Variants in MPZL2 observed in about 807,000 individuals in gnomAD.
MPZL2 encodes myelin protein zero-like protein 2.
MPZL2 carries 32 observed loss-of-function variants against 24.5 expected under a neutral mutation model. The observed-to-expected ratio is 1.31, with a 90% CI of 0.99 to 1.76. MPZL2 has a LOEUF of 1.76. Among genes scored for constraint, MPZL2 ranks in the 40% most tolerant of loss-of-function variants. MPZL2 has a pLI of 0.00. For synonymous variants in MPZL2, 92 were observed against 97.9 expected (o/e 0.94, Z 0.36); for missense variants, 304 against 274.9 (o/e 1.11, Z -0.75).
At position 118,259,585 on chromosome 11, in the gene MPZL2, T is replaced by C. The variant is rs548834967; in HGVS notation, c.584+469A>G. 1.7e-4 allele frequency: 26 copies of C among 152,778 alleles called. No homozygotes were observed. The South Asian group carries it at 2.5e-3, about 14-fold the overall frequency. 9.5% of individuals were successfully genotyped at this position (152,778 alleles called of 1,614,324 possible). ...GAGCTTAAAAACGTTCTGCAATTAG[T>C]GATGATTGCTGCACAACTTTGTGAA... On this transcript the variant is annotated intron_variant, in intron 4 of 5. Coordinates refer to ENST00000278937, the MANE Select transcript of MPZL2 (RefSeq NM_005797.4).
At chr11:118,263,719 T>G (rs1233357128) in intron 1 of MPZL2, among the ~76,000 whole-genome samples, 1 of 152,114 alleles carries the variant, frequency 6.6e-6, no homozygotes, top group African/African-American at 2.4e-5. Flanking sequence ...AGTAGGTCTC[T>G]CTCTAACAAT....
Position 118,264,111 on chromosome 11 carries a change from CAAGGAG to C in MPZL2, c.37_42del (p.Leu13_Leu14del). 4 of 1,614,106 alleles carry C rather than the reference CAAGGAG, an allele frequency of 2.5e-6. No individual in the cohort carries two copies. The highest frequency in any genetic ancestry group is 3.4e-6 in the Non-Finnish European group (4 of 1,180,022). On this transcript the variant is annotated inframe_deletion, in exon 1 of 6. Coordinates refer to ENST00000278937, the MANE Select transcript of MPZL2 (RefSeq NM_005797.4). ...CGGCTCTTACCTGTGAGCTGTATGC[CAAGGAG>C]AAGAAGCACCGCACGAGTAGAGCTC...
In MPZL2 at chr11:118,262,472, C is replaced by T; in HGVS notation, c.402G>A (p.Val134=). ...QVKNPPDVDG[V]IGEIRLSVVH... ...CGACGCTGAGCCGGATCTCCCCTAT[C>T]ACCCCATCAACATCAGGTGGGTTCT... The change falls in exon 3 of 6, where the codon GTG becomes GTA. Residue 134 remains valine, a synonymous_variant. Transcript: ENST00000278937. 6.2e-7 allele frequency: 1 copy of T among 1,614,142 alleles called. No homozygotes were observed. Among genetic ancestry groups the T allele is most frequent in the South Asian group, 1.1e-5 (1 of 91,082 alleles).
intron 1 of MPZL2, 73 bp downstream of exon 1, chr11:118,264,023 C>T: frequency 6.7e-7 from 1 of 1,494,802 alleles, no homozygotes; most frequent in Non-Finnish European, 9.3e-7. Flanking sequence ...CTTGCAACTT[C>T]TAAGACAATT....
At position 118,257,268 on chromosome 11, in the gene MPZL2, A is replaced by G. The variant is rs201821130; in HGVS notation, c.630T>C (p.Tyr210=). 176 of 1,611,848 alleles carry G rather than the reference A, an allele frequency of 1.1e-4. 1 individual carries two copies. Among genetic ancestry groups the G allele is most frequent in the Middle Eastern group, 3.3e-4 (2 of 6,054 alleles). The change falls in exon 5 of 6, where the codon TAT becomes TAC. Residue 210 remains tyrosine, a synonymous_variant. Transcript: ENST00000278937. ...AAAATTGTTAGTCTGTGTCTTCTAA[A>G]TAAACAGAGACCTTTTTCTCTTGGT... ...RLNQEKKVSV[Y]LEDTD
chr11:118,262,269 A>G (rs1949705064), intron 3 of MPZL2, among the ~76,000 whole-genome samples, 169 bp downstream of exon 3: 1 of 151,832 alleles, frequency 6.6e-6, no homozygotes, highest in African/African-American at 2.4e-5. Context: ...TTCTCTTTTT[A>G]CCCCAGAACT....
intron 4 of MPZL2, among the ~76,000 whole-genome samples, chr11:118,259,070 T>C (rs1441752224): frequency 1.3e-5 from 2 of 149,650 alleles, no homozygotes; most frequent in African/African-American, 4.9e-5. Flanking sequence ...AACCCTCATA[T>C]ATTGCTGACA....
At position 118,264,220 on chromosome 11, in the gene MPZL2, G is replaced by A. The variant is rs1949723663; in HGVS notation, c.-67C>T. On this transcript the variant is annotated 5_prime_UTR_variant, in exon 1 of 6. Coordinates refer to ENST00000278937, the MANE Select transcript of MPZL2 (RefSeq NM_005797.4). ...ACCGAGGGCTCCAACACCCTGCCAA[G>A]GCCACTCCGGGAGGAGCAAGCACCG... 3 of 1,490,206 alleles carry A rather than the reference G, an allele frequency of 2.0e-6. No individual in the cohort carries two copies. The highest frequency in any genetic ancestry group is 2.3e-5 in the East Asian group (1 of 44,250). The allele number at this position is 1,490,206 out of a possible 1,614,324, so 92.3% of individuals were successfully genotyped here.
At chr11:118,261,239 C>A (rs1172421166) in intron 3 of MPZL2, among the ~76,000 whole-genome samples, 1 of 152,150 alleles carries the variant, frequency 6.6e-6, no homozygotes, top group Non-Finnish European at 1.5e-5. Context: ...ATTGGTGGGG[C>A]ATTGAGAAAT....
rs779257600 is a variant in MPZL2, at chr11:118,262,929, AC to A, written c.225+1del. 74 of 1,613,454 alleles carry A rather than the reference AC, an allele frequency of 4.6e-5. No homozygotes were observed. Among genetic ancestry groups the A allele is most frequent in the Admixed American group, 6.7e-5 (4 of 59,830 alleles). On this transcript the variant is annotated splice_donor_variant, in intron 2 of 5. Transcript: ENST00000278937. LOFTEE classifies it high-confidence loss of function. ...CCTGGAAAATGATGATAATCTACTT[AC>A]AAACTGCTCAGGTCCCCCGTCTAGA...
rs1949722783 is a variant in MPZL2, at chr11:118,264,139, G to A, written c.15C>T (p.Ser5=). 3 of 1,614,132 alleles carry A rather than the reference G, an allele frequency of 1.9e-6. No homozygotes were observed. In the East Asian group the frequency reaches 6.7e-5, roughly 36 times the overall value. The change falls in exon 1 of 6, where the codon AGC becomes AGT. Residue 5 remains serine (S), a synonymous_variant. Transcript: ENST00000278937. ...GGAGAAGAAGCACCGCACGAGTAGA[G>A]CTCTTGCCATACATGAGGGAAACCC... MYGK[S]STRAVLLLLG...
chr11:118,261,476 T>C (rs1204175321), intron 3 of MPZL2, among the ~76,000 whole-genome samples: 1 of 152,224 alleles, frequency 6.6e-6, no homozygotes. Flanking sequence ...TTCATGTAAG[T>C]TGTTCCTTGC....
chr11:118,257,660 C>T (rs1949669892), intron 4 of MPZL2: 1 of 172,508 alleles, frequency 5.8e-6, no homozygotes, highest in Admixed American at 6.3e-5. Flanking sequence ...CCTAAGTCAT[C>T]TTTATTGGTT....
At chr11:118,257,130 T>A in intron 5 of MPZL2, 108 bp downstream of exon 5, 1 of 723,640 alleles carries the variant, frequency 1.4e-6, no homozygotes, top group South Asian at 2.4e-5. Context: ...TAATTTCATA[T>A]GGGAAACACC....
intron 3 of MPZL2, among the ~76,000 whole-genome samples, chr11:118,260,570 T>C (rs1311958247): frequency 6.6e-6 from 1 of 152,162 alleles, no homozygotes; most frequent in Admixed American, 6.5e-5. Flanking sequence ...GTTGAACTAC[T>C]TATGGGGTAA....
Position 118,257,284 on chromosome 11 carries a change from TTC to T in MPZL2, c.612_613del (p.Lys206GlyfsTer17). On this transcript the variant is annotated frameshift_variant, in exon 5 of 6. Coordinates refer to ENST00000278937, the MANE Select transcript of MPZL2 (RefSeq NM_005797.4). LOFTEE classifies it high-confidence loss of function. Reference sequence around the variant, plus strand: ...GTCTTCTAAATAAACAGAGACCTTTTTCTCTTGGTTGAGCCTTTCCTCTTCTT... The same window carrying T: ...GTCTTCTAAATAAACAGAGACCTTTTTCTTGGTTGAGCCTTTCCTCTTCTT... 2 of 1,612,162 alleles carry T rather than the reference TTC, an allele frequency of 1.2e-6. No homozygotes were observed. The highest frequency in any genetic ancestry group is 1.7e-6 in the Non-Finnish European group (2 of 1,179,060).
rs575920325 is a variant in MPZL2 at position 118,257,628 on chromosome 11, A to T, written c.585-315T>A. The T allele has an allele frequency of 3.1e-3, 652 of 207,204 alleles. 6 individuals carry two copies. Among genetic ancestry groups the T allele is most frequent in the Non-Finnish European group, 4.1e-3 (430 of 106,094 alleles). The allele number at this position is 207,204 out of a possible 1,614,324, so 12.8% of individuals were successfully genotyped here. ...TAATTTATATTTGTTATTCAAAAAA[A>T]AAATAAAAAGTTTTGTGTTGACCTA... On this transcript the variant is annotated intron_variant, in intron 4 of 5. Coordinates refer to ENST00000278937, the MANE Select transcript of MPZL2 (RefSeq NM_005797.4).
Position 118,254,547 on chromosome 11 carries a change from A to G in MPZL2, c.*699T>C, listed in dbSNP as rs1362270040. 2 of 152,258 alleles carry G rather than the reference A, an allele frequency of 1.3e-5. No homozygotes were observed. Among genetic ancestry groups the G allele is most frequent in the African/African-American group, 4.8e-5 (2 of 41,470 alleles). The allele number at this position is 152,258 out of a possible 1,614,324, so 9.4% of individuals were successfully genotyped here. On this transcript the variant is annotated 3_prime_UTR_variant, in exon 6 of 6. Transcript: ENST00000278937. ...AAAGTGACAAGTGATTCATCCTGCA[A>G]TGGCCTCTGCCAATCTTTTCATATC...
At chr11:118,257,063 A>G (rs1949665166) in intron 5 of MPZL2, 175 bp downstream of exon 5, 1 of 429,998 alleles carries the variant, frequency 2.3e-6, no homozygotes, top group African/African-American at 2.0e-5. Flanking sequence ...AATACACTCA[A>G]GGAGGAGCTA....
Sources: gnomAD v4.1 joint callset for allele counts (sites outside exome capture counted in the v4.1 genomes callset) on GRCh38, gnomAD v4.1.1 for gene constraint, MANE v1.5 for transcripts, NCBI Gene and HGNC (gene_info 2026-07-23, HGNC 2026-07-21) for gene names.